Variants in EFCAB5 observed in about 807,000 individuals in gnomAD.
EFCAB5 encodes EF-hand calcium binding domain 5, also known as EF-hand calcium-binding domain-containing protein 5.
In EFCAB5, 131 loss-of-function variants were observed where a neutral mutation model predicts 167.9. That is an observed-to-expected ratio of 0.78 (90% CI 0.68 to 0.90). The LOEUF (loss-of-function observed/expected upper bound fraction) is 0.90, where lower values mean the gene tolerates loss of function less well. Ranked by LOEUF, EFCAB5 falls within the 40% of genes least tolerant of loss-of-function variation. The pLI, the probability that EFCAB5 is intolerant of heterozygous loss-of-function variation, is 0.00. For synonymous variants in EFCAB5, 574 were observed against 602.8 expected, an observed-to-expected ratio of 0.95 and a Z score of 0.70; for missense variants, 1,663 against 1,745.2, an observed-to-expected ratio of 0.95 and a Z score of 0.84.
In EFCAB5 at chr17:30,078,216, T is replaced by C. The variant is rs1362611925; in HGVS notation, c.2739T>C (p.Ala913=). The C allele has an allele frequency of 6.2e-7, 1 of 1,607,090 alleles. No individual in the cohort carries two copies. Residue 913 remains alanine (A), a splice_region_variant and synonymous_variant, in exon 15 of 23, where the codon GCT becomes GCC. Coordinates refer to ENST00000394835, the MANE Select transcript of EFCAB5 (RefSeq NM_198529.4). ...TGGTTTCGTGTTTGTGTCTTTTAGCTAAACTACACATCCAATTTCCAAAGC... is the reference window on the plus strand; with the variant it reads ...TGGTTTCGTGTTTGTGTCTTTTAGCCAAACTACACATCCAATTTCCAAAGC... ...EGMEKESMKK[A]KLHIQFPKPH...
At position 30,067,181 on chromosome 17, in the gene EFCAB5, A is replaced by G. The variant is rs561603497; in HGVS notation, c.2737+7480A>G. Among the ~76,000 whole-genome samples, 6 of 152,340 alleles carry G rather than the reference A, an allele frequency of 3.9e-5. No homozygotes were observed. In the South Asian group the frequency reaches 1.2e-3, roughly 32 times the overall value. On this transcript the variant is annotated intron_variant, in intron 14 of 22. Coordinates refer to ENST00000394835, the MANE Select transcript of EFCAB5 (RefSeq NM_198529.4). Reference sequence around the variant, plus strand: ...TCTATGAGGCCAGCATTATGCTAATACTAACACCAGACAAGAACACAACAA... The same window carrying G: ...TCTATGAGGCCAGCATTATGCTAATGCTAACACCAGACAAGAACACAACAA...
chr17:29,937,701 G>C (rs2067257195), upstream of EFCAB5, among the ~76,000 whole-genome samples: 1 of 152,140 alleles, frequency 6.6e-6, no homozygotes, highest in African/African-American at 2.4e-5. Flanking sequence ...CCAGTTACCA[G>C]TATCTCTGTT....
At chr17:30,041,367 A>C (rs1013045655) in intron 8 of EFCAB5, among the ~76,000 whole-genome samples, 3 of 152,242 alleles carry the variant, frequency 2.0e-5, no homozygotes, top group Non-Finnish European at 2.9e-5. Flanking sequence ...TTCAGTAGAC[A>C]AAATAGCTGC....
chr17:30,089,421 C>T (rs1490501499), intron 19 of EFCAB5, among the ~76,000 whole-genome samples: 3 of 151,876 alleles, frequency 2.0e-5, no homozygotes, highest in Non-Finnish European at 4.4e-5. Flanking sequence ...ATGCGCTTTT[C>T]GAGGATGCAA....
intron 3 of EFCAB5, among the ~76,000 whole-genome samples, chr17:29,955,810 A>T (rs1214468338): frequency 6.6e-6 from 1 of 152,210 alleles, no homozygotes; most frequent in Non-Finnish European, 1.5e-5. Flanking sequence ...CTAAAAAAAA[A>T]AAACTATTCT....
At chr17:29,980,202 G>A (rs1045521883) in intron 4 of EFCAB5, among the ~76,000 whole-genome samples, 7 of 152,016 alleles carry the variant, frequency 4.6e-5, no homozygotes, top group African/African-American at 1.7e-4. Context: ...AACTTACTGA[G>A]GAACCTTTAC....
At chr17:29,971,286 G>A (rs1300416226) in intron 4 of EFCAB5, among the ~76,000 whole-genome samples, 1 of 152,176 alleles carries the variant, frequency 6.6e-6, no homozygotes. Context: ...TAACATTTTA[G>A]TTGGTTTCTT....
intron 4 of EFCAB5, among the ~76,000 whole-genome samples, chr17:29,982,405 G>C (rs2068196539): frequency 6.6e-6 from 1 of 151,942 alleles, no homozygotes; most frequent in East Asian, 1.9e-4. Context: ...AAAAAAGAAA[G>C]AAAGAAATTC....
intron 13 of EFCAB5, among the ~76,000 whole-genome samples, chr17:30,058,445 T>C (rs1048052708): frequency 4.6e-5 from 7 of 152,228 alleles, no homozygotes; most frequent in Non-Finnish European, 1.0e-4. Flanking sequence ...CTTTTCAACC[T>C]AATTCTAGAC....
chr17:30,064,264 A>C (rs2070502496), intron 14 of EFCAB5, among the ~76,000 whole-genome samples: 1 of 152,224 alleles, frequency 6.6e-6, no homozygotes, highest in African/African-American at 2.4e-5. Context: ...ACAGTTCAAC[A>C]AAATCAGGAA....
intron 1 of EFCAB5, 134 bp from the exon 2 acceptor site, chr17:29,942,106 A>T: frequency 1.2e-6 from 1 of 810,456 alleles, no homozygotes; most frequent in Non-Finnish European, 1.9e-6. Flanking sequence ...ACTTTGTGTA[A>T]TTTTATTTCA....
intron 22 of EFCAB5, among the ~76,000 whole-genome samples, chr17:30,093,563 T>C (rs191473264): frequency 6.6e-6 from 1 of 152,346 alleles, no homozygotes; most frequent in East Asian, 1.9e-4. Context: ...CTTCCCGCTC[T>C]CCTACTATCT....
rs117124108 is a variant in EFCAB5, at chr17:29,965,875, T to C, written c.191-2916T>C. ...GACACATTTCTGTTTAGTTTATTTC[T>C]AGATATTTTAAATTTTTGTTGCTAT... On this transcript the variant is annotated intron_variant, in intron 3 of 22. Coordinates refer to ENST00000394835, the MANE Select transcript of EFCAB5 (RefSeq NM_198529.4). 7.3e-4 allele frequency among the ~76,000 whole-genome samples: 111 copies of C among 152,346 alleles called. 2 individuals are homozygous for C. The East Asian group carries it at 0.015, about 20-fold the overall frequency.
chr17:30,005,666 C>G (rs1260362742), intron 7 of EFCAB5, among the ~76,000 whole-genome samples: 2 of 152,128 alleles, frequency 1.3e-5, no homozygotes, highest in African/African-American at 2.4e-5. Flanking sequence ...CCTGCCATGA[C>G]AAGAAGGGAG....
chr17:30,085,730 A>G (rs150201568), intron 18 of EFCAB5, among the ~76,000 whole-genome samples: 66,094 of 150,632 alleles, frequency 0.44, 15,392 homozygotes, highest in Non-Finnish European at 0.51. Flanking sequence ...AAAAAAAAAA[A>G]AAAAAAAAGA....
In EFCAB5 at chr17:30,092,050, G is replaced by A. The variant is rs928415415; in HGVS notation, c.4117G>A (p.Glu1373Lys). 11 of 1,613,834 alleles carry A rather than the reference G, an allele frequency of 6.8e-6. No individual in the cohort carries two copies. The African/African-American group carries it at 1.3e-4, about 20-fold the overall frequency. The change falls in exon 21 of 23, where the codon GAA (glutamate) becomes AAA (lysine). Residue 1373 changes from glutamate (E) to lysine (K), a missense_variant. Coordinates refer to ENST00000394835, the MANE Select transcript of EFCAB5 (RefSeq NM_198529.4). ...SPQDSKSMEL[E>K]ANVKLVRDIL... ...TCAAGACAGCAAATCTATGGAGTTGGAAGCCAACGTGAAACTAGTGCGTGA... is the reference window on the plus strand; with the variant it reads ...TCAAGACAGCAAATCTATGGAGTTGAAAGCCAACGTGAAACTAGTGCGTGA...
At chr17:30,015,759 C>CTTTTTTTTTTTTT (rs71138866) in intron 7 of EFCAB5, among the ~76,000 whole-genome samples, 7 of 130,562 alleles carry the variant, frequency 5.4e-5, no homozygotes, top group African/African-American at 5.7e-5. Flanking sequence ...TTGGTTATTT[C>CTTTTTTTTTTTTT]TTTTTTTTTT....
intron 7 of EFCAB5, among the ~76,000 whole-genome samples, chr17:30,026,449 G>GA (rs2069325720): frequency 6.6e-6 from 1 of 151,994 alleles, no homozygotes; most frequent in South Asian, 2.1e-4. Flanking sequence ...TCTGACAGAG[G>GA]ATCTACTCTT....
At chr17:30,081,676 G>A (rs552537366) in intron 17 of EFCAB5, among the ~76,000 whole-genome samples, 2 of 152,296 alleles carry the variant, frequency 1.3e-5, no homozygotes, top group Admixed American at 1.3e-4. Flanking sequence ...TGCCCTGTAA[G>A]CCTTTGGCTC....
Sources: gnomAD v4.1 joint callset for allele counts (sites outside exome capture counted in the v4.1 genomes callset) on GRCh38, gnomAD v4.1.1 for gene constraint, MANE v1.5 for transcripts, NCBI Gene and HGNC (gene_info 2026-07-23, HGNC 2026-07-21) for gene names.